STAG1: variants seen among roughly 807,000 people sequenced by gnomAD.
The protein encoded by STAG1 is cohesin subunit SA-1.
Under a neutral mutation model 170.9 loss-of-function variants are expected in STAG1, and 26 were observed. That is an observed-to-expected ratio of 0.15 (90% CI 0.11 to 0.21). The LOEUF (loss-of-function observed/expected upper bound fraction) is 0.21. STAG1 is among the 10% of genes least tolerant of loss of function. The probability of loss-of-function intolerance (pLI) is 1.00; values close to 1 mark genes in which losing one functional copy is unlikely to be tolerated. For missense variants in STAG1, 964 were observed against 1,509.5 expected, an observed-to-expected ratio of 0.64 and a Z score of 5.99; for synonymous variants, 514 against 497.7, an observed-to-expected ratio of 1.03 and a Z score of -0.44.
intron 1 of STAG1, among the ~76,000 whole-genome samples, chr3:136,659,405 C>G (rs774772196): frequency 5.3e-5 from 8 of 152,132 alleles, no homozygotes; most frequent in Non-Finnish European, 1.2e-4. Context: ...ATTCTCTTCT[C>G]AAGCATATTA....
chr3:136,690,073 A>C (rs566084121), intron 1 of STAG1, among the ~76,000 whole-genome samples: 2 of 150,696 alleles, frequency 1.3e-5, no homozygotes, highest in African/African-American at 4.9e-5. Context: ...AAAAAAAAAA[A>C]AAAAAAGTAA....
chr3:136,747,254 C>G (rs976069512), intron 1 of STAG1, among the ~76,000 whole-genome samples: 1 of 147,066 alleles, frequency 6.8e-6, no homozygotes, highest in African/African-American at 2.5e-5. Context: ...GCCTGGGCGA[C>G]AGAGCAAGAC....
intron 23 of STAG1, among the ~76,000 whole-genome samples, chr3:136,374,145 C>T (rs1278781063): frequency 3.9e-5 from 6 of 152,070 alleles, no homozygotes; most frequent in Non-Finnish European, 7.3e-5. Context: ...TCTGTTTCAT[C>T]CGAGACTAGG....
chr3:136,422,675 G>A, intron 18 of STAG1, 62 bp from the exon 19 acceptor site: 5 of 1,545,992 alleles, frequency 3.2e-6, no homozygotes, highest in Non-Finnish European at 3.5e-6. Flanking sequence ...TAAAAAATTA[G>A]CATCTGTCAA....
At chr3:136,737,381 C>T (rs1195457486) in intron 1 of STAG1, among the ~76,000 whole-genome samples, 3 of 152,086 alleles carry the variant, frequency 2.0e-5, no homozygotes, top group African/African-American at 4.8e-5. Context: ...GGATTACAGG[C>T]GTGAGCCATC....
chr3:136,622,437 G>A (rs1329261372), intron 3 of STAG1, among the ~76,000 whole-genome samples: 2 of 152,028 alleles, frequency 1.3e-5, no homozygotes, highest in African/African-American at 2.4e-5. Context: ...AGGAGGAGGG[G>A]TGATGAGATG....
At chr3:136,529,822 AAC>A (rs1935279136) in intron 6 of STAG1, among the ~76,000 whole-genome samples, 1 of 152,216 alleles carries the variant, frequency 6.6e-6, no homozygotes. Flanking sequence ...AAAAGAAAGA[AAC>A]AAATAATATT....
intron 4 of STAG1, among the ~76,000 whole-genome samples, chr3:136,598,420 A>AT (rs1938521262): frequency 6.7e-6 from 1 of 149,244 alleles, no homozygotes; most frequent in African/African-American, 2.5e-5. Context: ...CTTTAATACA[A>AT]CCTTTTTTTT....
intron 21 of STAG1, among the ~76,000 whole-genome samples, chr3:136,405,509 T>C (rs996194304): frequency 8.6e-5 from 13 of 151,846 alleles, no homozygotes; most frequent in Non-Finnish European, 1.8e-4. Flanking sequence ...CTCAAAGTGC[T>C]GGGATTATAG....
At chr3:136,521,640 T>A (rs535022500) in intron 6 of STAG1, among the ~76,000 whole-genome samples, 2 of 152,292 alleles carry the variant, frequency 1.3e-5, no homozygotes, top group East Asian at 3.9e-4. Context: ...AGAACCAGCA[T>A]CTACTTTATT....
chr3:136,469,323 A>C (rs922020467), intron 12 of STAG1, among the ~76,000 whole-genome samples: 1 of 152,216 alleles, frequency 6.6e-6, no homozygotes, highest in Admixed American at 6.5e-5. Flanking sequence ...AATCACAAGC[A>C]TTCTTATACA....
chr3:136,475,963 G>C (rs1188388862), intron 10 of STAG1, among the ~76,000 whole-genome samples: 1 of 152,144 alleles, frequency 6.6e-6, no homozygotes, highest in East Asian at 1.9e-4. Context: ...CAGAATTTAA[G>C]AACTCTGAAT....
intron 1 of STAG1, among the ~76,000 whole-genome samples, chr3:136,646,317 T>A (rs1356651867): frequency 6.6e-6 from 1 of 152,160 alleles, no homozygotes; most frequent in Non-Finnish European, 1.5e-5. Context: ...CACTAAGCAA[T>A]CTTTGTATTT....
chr3:136,485,975 T>C (rs1168370318), intron 9 of STAG1, among the ~76,000 whole-genome samples: 2 of 152,240 alleles, frequency 1.3e-5, no homozygotes, highest in Admixed American at 6.5e-5. Context: ...ATGAATATTC[T>C]TGTATGTTTC....
At chr3:136,734,384 G>A (rs1934221369) in intron 1 of STAG1, among the ~76,000 whole-genome samples, 1 of 152,146 alleles carries the variant, frequency 6.6e-6, no homozygotes, top group African/African-American at 2.4e-5. Flanking sequence ...GCAGACAGTA[G>A]TGTCTCAAAC....
chr3:136,504,377 G>C (rs992503483), intron 7 of STAG1, among the ~76,000 whole-genome samples: 1 of 152,140 alleles, frequency 6.6e-6, no homozygotes, highest in African/African-American at 2.4e-5. Flanking sequence ...CATTAGAAAT[G>C]AATTAAATGA....
intron 1 of STAG1, among the ~76,000 whole-genome samples, chr3:136,738,470 G>A (rs982731661): frequency 7.9e-5 from 12 of 152,010 alleles, no homozygotes; most frequent in African/African-American, 1.9e-4. Context: ...CAGCCTGGGC[G>A]ACAGAGCAAG....
chr3:136,452,254 G>A, intron 13 of STAG1, 107 bp from the exon 14 acceptor site: 1 of 717,244 alleles, frequency 1.4e-6, no homozygotes. Context: ...ACAAAAAGGG[G>A]GAGCAGGGAG....
intron 3 of STAG1, among the ~76,000 whole-genome samples, chr3:136,604,969 T>A (rs1368830338): frequency 6.6e-6 from 1 of 152,182 alleles, no homozygotes; most frequent in Non-Finnish European, 1.5e-5. Context: ...AAAATTGCTT[T>A]AGTGTTTTGT....
Sources: allele counts gnomAD v4.1 joint callset (sites outside exome capture counted in the v4.1 genomes callset), GRCh38; gene constraint gnomAD v4.1.1; transcripts MANE v1.5; gene names NCBI Gene and HGNC (gene_info 2026-07-23, HGNC 2026-07-21).